The following GPHN variants were observed in gnomAD, a reference collection of about 807,000 sequenced individuals.
The protein encoded by GPHN is gephyrin.
GPHN carries 17 observed loss-of-function variants against 95.5 expected under a neutral mutation model. The observed-to-expected ratio is 0.18, with a 90% CI of 0.12 to 0.27. The LOEUF (loss-of-function observed/expected upper bound fraction) is 0.27, where lower values mean the gene tolerates loss of function less well. Ranked by LOEUF, GPHN falls within the 10% of genes least tolerant of loss-of-function variation. The pLI is 1.00. For missense variants in GPHN, 660 were observed against 978.1 expected, an observed-to-expected ratio of 0.67 and a Z score of 4.34; for synonymous variants, 320 against 322.5, an observed-to-expected ratio of 0.99 and a Z score of 0.08.
chr14:67,128,098 G>A (rs146077122), intron 17 of GPHN, among the ~76,000 whole-genome samples: 12 of 152,060 alleles, frequency 7.9e-5, no homozygotes, highest in Admixed American at 1.3e-4. Flanking sequence ...AGGTCTCCCC[G>A]TGGCTTACCC....
chr14:67,526,439 T>C, the GPHN span, among the ~76,000 whole-genome samples: 3 of 152,248 alleles, frequency 2.0e-5, no homozygotes, highest in African/African-American at 7.2e-5. Context: ...CTTTGCACAG[T>C]AGGAAAAGGT....
the GPHN span, chr14:67,397,935 G>A: frequency 1.2e-6 from 1 of 842,376 alleles, no homozygotes; most frequent in Non-Finnish European, 1.8e-6. Flanking sequence ...GTGGAAATCA[G>A]TCTCCAAGGA....
At chr14:67,125,124 TA>T (rs573075159) in intron 17 of GPHN, among the ~76,000 whole-genome samples, 30 of 149,080 alleles carry the variant, frequency 2.0e-4, no homozygotes, top group African/African-American at 4.9e-4. Context: ...GAGAACAATT[TA>T]AAAAAAAAAG....
At chr14:67,247,668 T>C in the GPHN span, among the ~76,000 whole-genome samples, 1 of 152,180 alleles carries the variant, frequency 6.6e-6, no homozygotes, top group East Asian at 1.9e-4. Flanking sequence ...GCCTCGACTT[T>C]CTGGGCTCAG....
At chr14:67,086,776 C>T (rs866256853) in intron 11 of GPHN, among the ~76,000 whole-genome samples, 77 of 151,844 alleles carry the variant, frequency 5.1e-4, no homozygotes, top group Admixed American at 1.6e-3. Context: ...GCGTGGCTCA[C>T]GCCTGTAATC....
chr14:66,557,594 A>G (rs769960742), intron 1 of GPHN, among the ~76,000 whole-genome samples: 2 of 152,226 alleles, frequency 1.3e-5, no homozygotes, highest in East Asian at 3.8e-4. Context: ...AAGTTAGAAC[A>G]TACTACATAA....
intron 1 of GPHN, among the ~76,000 whole-genome samples, chr14:66,562,789 G>A (rs974287632): frequency 6.6e-6 from 1 of 152,028 alleles, no homozygotes; most frequent in African/African-American, 2.4e-5. Flanking sequence ...AATTGTCTTT[G>A]GTGATAAAGT....
At chr14:67,639,293 T>C in the GPHN span, among the ~76,000 whole-genome samples, 1 of 152,204 alleles carries the variant, frequency 6.6e-6, no homozygotes, top group Non-Finnish European at 1.5e-5. Flanking sequence ...CTGTGACTTA[T>C]CCACTGGATT....
At chr14:67,199,713 C>A in the GPHN span, 1 of 1,583,344 alleles carries the variant, frequency 6.3e-7, no homozygotes, top group Non-Finnish European at 8.7e-7. Context: ...CCTCCTTCAC[C>A]CTCTGCCCCC....
intron 1 of GPHN, among the ~76,000 whole-genome samples, chr14:66,595,545 T>C (rs1180746158): frequency 2.0e-5 from 3 of 152,248 alleles, no homozygotes; most frequent in South Asian, 4.1e-4. Flanking sequence ...TAGCGTGTGA[T>C]CTGGCCACTG....
chr14:67,479,084 A>C, the GPHN span, among the ~76,000 whole-genome samples: 1 of 152,126 alleles, frequency 6.6e-6, no homozygotes, highest in Non-Finnish European at 1.5e-5. Flanking sequence ...AAGCATGTAT[A>C]ACTTTTATAA....
At chr14:66,908,131 G>A (rs2065476742) in intron 5 of GPHN, among the ~76,000 whole-genome samples, 1 of 151,904 alleles carries the variant, frequency 6.6e-6, no homozygotes, top group African/African-American at 2.4e-5. Flanking sequence ...TATAATTAAT[G>A]CTGAAATCTT....
the GPHN span, among the ~76,000 whole-genome samples, chr14:67,522,357 C>A: frequency 6.6e-6 from 1 of 152,146 alleles, no homozygotes; most frequent in African/African-American, 2.4e-5. Flanking sequence ...ATCCAAACTC[C>A]AAGCTGGTCA....
chr14:67,650,888 G>T, the GPHN span: 1 of 1,614,076 alleles, frequency 6.2e-7, no homozygotes, highest in Non-Finnish European at 8.5e-7. Context: ...TTCACCAGAT[G>T]AATCAGAAAA....
chr14:67,709,926 G>C, the GPHN span, among the ~76,000 whole-genome samples: 2 of 152,184 alleles, frequency 1.3e-5, no homozygotes, highest in Admixed American at 6.5e-5. Flanking sequence ...ATTCTATTTA[G>C]TCACTCCTCT....
chr14:67,558,625 C>T, the GPHN span, among the ~76,000 whole-genome samples: 1 of 152,180 alleles, frequency 6.6e-6, no homozygotes, highest in African/African-American at 2.4e-5. Context: ...ATCAGTAGGT[C>T]AATCTCATAA....
chr14:66,717,769 A>G (rs896898091), intron 2 of GPHN, among the ~76,000 whole-genome samples: 7 of 152,084 alleles, frequency 4.6e-5, no homozygotes, highest in Non-Finnish European at 8.8e-5. Flanking sequence ...AGTGATGGTT[A>G]TCTCTCTTCT....
At chr14:67,556,002 T>C in the GPHN span, 2 of 1,338,746 alleles carry the variant, frequency 1.5e-6, no homozygotes, top group South Asian at 1.3e-5. Flanking sequence ...GTGTTATACC[T>C]GAACAAATGA....
At chr14:67,364,595 G>C in the GPHN span, 1 of 613,966 alleles carries the variant, frequency 1.6e-6, no homozygotes. Flanking sequence ...CTTGGTTCCT[G>C]AACATTATCT....
Sources: gnomAD v4.1 joint callset for allele counts (sites outside exome capture counted in the v4.1 genomes callset) on GRCh38, gnomAD v4.1.1 for gene constraint, MANE v1.5 for transcripts, NCBI Gene and HGNC (gene_info 2026-07-23, HGNC 2026-07-21) for gene names.